PLCZ1: variants seen among roughly 807,000 people sequenced by gnomAD.
PLCZ1 encodes 1-phosphatidylinositol 4,5-bisphosphate phosphodiesterase zeta-1.
Under a neutral mutation model 76.8 loss-of-function variants are expected in PLCZ1, and 64 were observed. The ratio of observed to expected loss-of-function variants is 0.83; its 90% confidence interval spans 0.68 to 1.03. The LOEUF is 1.03. Ranked by LOEUF, PLCZ1 falls within the 50% of genes least tolerant of loss-of-function variation. The pLI is 0.00. For missense variants in PLCZ1, 751 were observed against 713.7 expected (o/e 1.05, Z -0.60); for synonymous variants, 248 against 230.8 (o/e 1.07, Z -0.68).
chr12:18,720,355 A>G (rs1385931003), intron 4 of PLCZ1, among the ~76,000 whole-genome samples: 1 of 151,710 alleles, frequency 6.6e-6, no homozygotes, highest in African/African-American at 2.4e-5. Context: ...GCAAATATAT[A>G]CACATTTCTG....
At chr12:18,695,581 C>T (rs1954852352) in intron 11 of PLCZ1, among the ~76,000 whole-genome samples, 3 of 152,016 alleles carry the variant, frequency 2.0e-5, no homozygotes, top group South Asian at 2.1e-4. Context: ...CCACACTCCA[C>T]CCTCCACCCA....
chr12:18,648,083 T>C, the PLCZ1 span: 1,181,572 of 1,181,886 alleles, frequency 1, 590,629 homozygotes, highest in East Asian at 1. Context: ...TTTTCACTTC[T>C]GGGCCTCTGA....
intron 5 of PLCZ1, chr12:18,714,993 T>A (rs1239551952): frequency 1.3e-5 from 2 of 151,842 alleles, no homozygotes; most frequent in African/African-American, 4.8e-5. Context: ...ATGGGCCATA[T>A]GAGAAAATGA....
chr12:18,687,961 T>C, intron 13 of PLCZ1, 128 bp downstream of exon 13: 1 of 1,268,064 alleles, frequency 7.9e-7, no homozygotes, highest in Non-Finnish European at 1.1e-6. Flanking sequence ...TTTTGCTAAT[T>C]TTGGACATAA....
chr12:18,657,959 A>T, the PLCZ1 span, among the ~76,000 whole-genome samples: 7,734 of 152,206 alleles, frequency 0.051, 238 homozygotes, highest in African/African-American at 0.091. Flanking sequence ...GAACCACTAG[A>T]ATAATATCAC....
At position 18,729,904 on chromosome 12, in the gene PLCZ1, C is replaced by T. The variant is rs186334141; in HGVS notation, c.135+6317G>A. On this transcript the variant is annotated intron_variant, in intron 3 of 14. Coordinates refer to ENST00000266505, the MANE Select transcript of PLCZ1 (RefSeq NM_033123.4). The stretch of plus-strand genomic sequence containing the variant: ...GAAAATAAACTCACATCAGAATTTA[C>T]GTCAGCTTAGATAATGAATAAATGT... Among the ~76,000 whole-genome samples the T allele has an allele frequency of 2.3e-4, 35 of 152,148 alleles. No individual in the cohort carries two copies. The East Asian group carries it at 5.4e-3, about 23-fold the overall frequency.
At chr12:18,700,331 T>G (rs1288166557) in intron 9 of PLCZ1, among the ~76,000 whole-genome samples, 1 of 151,924 alleles carries the variant, frequency 6.6e-6, no homozygotes, top group African/African-American at 2.4e-5. Context: ...CAACCTGGCA[T>G]CTATTTCTTT....
chr12:18,661,919 T>G, the PLCZ1 span, among the ~76,000 whole-genome samples: 1 of 151,972 alleles, frequency 6.6e-6, no homozygotes, highest in Non-Finnish European at 1.5e-5. Flanking sequence ...ACATACACCA[T>G]GAAATACTAC....
At chr12:18,697,177 T>A (rs976326395) in intron 10 of PLCZ1, among the ~76,000 whole-genome samples, 6 of 152,122 alleles carry the variant, frequency 3.9e-5, no homozygotes, top group Non-Finnish European at 8.8e-5. Flanking sequence ...CATGGGAGAA[T>A]GGTTACTGCT....
chr12:18,683,403 A>C, intron 14 of PLCZ1, 79 bp from the exon 15 acceptor site: 1 of 1,491,018 alleles, frequency 6.7e-7, no homozygotes, highest in Non-Finnish European at 9.3e-7. Flanking sequence ...GAGAAACAAG[A>C]GCTCTTTACT....
intron 3 of PLCZ1, among the ~76,000 whole-genome samples, chr12:18,734,314 T>C (rs978550716): frequency 9.2e-5 from 14 of 152,212 alleles, no homozygotes; most frequent in African/African-American, 3.4e-4. Context: ...CTTGCAACTT[T>C]ACTGAATTTA....
At position 18,730,632 on chromosome 12, in the gene PLCZ1, G is replaced by A. The variant is rs183426989; in HGVS notation, c.135+5589C>T. ...TAGATCTTCAGGCCTGCTCATGTCC[G>A]TAATCATACATTTCAATTAGTGAGC... On this transcript the variant is annotated intron_variant, in intron 3 of 14. Coordinates refer to ENST00000266505, the MANE Select transcript of PLCZ1 (RefSeq NM_033123.4). Among the ~76,000 whole-genome samples the A allele has an allele frequency of 1.2e-3, 179 of 152,118 alleles. 1 individual carries two copies. The highest frequency in any genetic ancestry group is 4.1e-3 in the African/African-American group (172 of 41,526).
chr12:18,680,550 C>G (rs192101000), downstream of PLCZ1, among the ~76,000 whole-genome samples: 447 of 152,124 alleles, frequency 2.9e-3, 4 homozygotes, highest in African/African-American at 9.9e-3. Flanking sequence ...CTGTACTCAT[C>G]TTCTATTTGA....
chr12:18,722,574 GT>G (rs1347083524), intron 4 of PLCZ1, among the ~76,000 whole-genome samples: 4 of 151,986 alleles, frequency 2.6e-5, no homozygotes, highest in Non-Finnish European at 4.4e-5. Context: ...GTCAAACATT[GT>G]GCTTTAACAA....
At chr12:18,676,796 G>A in the PLCZ1 span, among the ~76,000 whole-genome samples, 4 of 152,230 alleles carry the variant, frequency 2.6e-5, no homozygotes, top group South Asian at 8.3e-4. Flanking sequence ...TAGAAGGTCA[G>A]AAGGGAAAGA....
At chr12:18,711,311 A>G (rs1037556499) in intron 6 of PLCZ1, among the ~76,000 whole-genome samples, 2 of 141,858 alleles carry the variant, frequency 1.4e-5, no homozygotes, top group African/African-American at 5.3e-5. Flanking sequence ...GCATGTTCTC[A>G]CTCATAGGTG....
chr12:18,728,655 G>A (rs1958883520), intron 3 of PLCZ1, among the ~76,000 whole-genome samples: 1 of 152,030 alleles, frequency 6.6e-6, no homozygotes, highest in Non-Finnish European at 1.5e-5. Flanking sequence ...TTATAAAAAG[G>A]GATAAGTGAA....
chr12:18,727,159 C>A (rs1354072913), intron 3 of PLCZ1, among the ~76,000 whole-genome samples: 1 of 151,670 alleles, frequency 6.6e-6, no homozygotes, highest in African/African-American at 2.4e-5. Context: ...CCCTGGGCAA[C>A]ATAGTGAGAC....
chr12:18,684,236 A>T lies in PLCZ1; in HGVS notation c.1635T>A (p.His545Gln), dbSNP rs1371898909. The T allele has an allele frequency of 6.2e-7, 1 of 1,610,754 alleles. No homozygotes were observed. Among genetic ancestry groups the T allele is most frequent in the Non-Finnish European group, 8.5e-7 (1 of 1,177,698 alleles). ...RWNETFTFII[H>Q]VPELALIRFV... ...AACGTATCAATGCCAATTCTGGGAC[A>T]TGAATAATAAATGTGAATGTTTCAT... Residue 545 changes from histidine (H) to glutamine (Q), a missense_variant, in exon 14 of 15, where the codon CAT becomes CAA. His to Gln is a conservative substitution (Grantham distance 24). Transcript: ENST00000266505.
Sources: allele counts gnomAD v4.1 joint callset (sites outside exome capture counted in the v4.1 genomes callset), GRCh38; gene constraint gnomAD v4.1.1; transcripts MANE v1.5; gene names NCBI Gene and HGNC (gene_info 2026-07-23, HGNC 2026-07-21).